The following BABAM1 variants were observed in gnomAD, a reference collection of about 807,000 sequenced individuals.
BABAM1 encodes the protein BRISC and BRCA1 A complex member 1.
BABAM1 carries 14 observed loss-of-function variants against 34.4 expected under a neutral mutation model. That is an observed-to-expected ratio of 0.41 (90% confidence interval 0.27 to 0.64). The LOEUF (loss-of-function observed/expected upper bound fraction) is 0.64. Ranked by LOEUF, BABAM1 falls within the 30% of genes least tolerant of loss-of-function variation. The pLI, the probability that BABAM1 is intolerant of heterozygous loss-of-function variation, is 0.34. For missense variants in BABAM1, 393 were observed against 434.0 expected (o/e 0.91, Z 0.84); for synonymous variants, 169 against 165.8 (o/e 1.02, Z -0.15).
At chr19:17,274,535 T>C in intron 5 of BABAM1, 1 of 259,504 alleles carries the variant, frequency 3.9e-6, no homozygotes, top group Non-Finnish European at 7.6e-6. Flanking sequence ...GCCACTGTAC[T>C]CCAGCCTGGG....
rs1267835358 is a variant in BABAM1 at position 17,278,427 on chromosome 19, G to A, written c.787-418G>A. On this transcript the variant is annotated intron_variant, in intron 8 of 8. Transcript: ENST00000598188. ...GGGTTTGCGCCATTCTCCTGCCTCA[G>A]CCTCCCGAGTAGCTAGGACTACAGG... Among the ~76,000 whole-genome samples, 5 of 151,492 alleles carry A rather than the reference G, an allele frequency of 3.3e-5. No homozygotes were observed. In the East Asian group the frequency reaches 6.0e-4, roughly 18 times the overall value.
In BABAM1 at chr19:17,269,125, G is replaced by A. The variant is rs776158488; in HGVS notation, c.285+34G>A. 9 of 1,540,972 alleles carry A rather than the reference G, an allele frequency of 5.8e-6. No homozygotes were observed. The African/African-American group carries it at 1.2e-4, about 21-fold the overall frequency. On this transcript the variant is annotated intron_variant, in intron 2 of 8. Coordinates refer to ENST00000598188, the MANE Select transcript of BABAM1 (RefSeq NM_014173.4). ...AGGGGGTGGCCTGGGGCTCTGAGAT[G>A]CTAGGGAACCTAGCATCTTGTCTTT...
chr19:17,276,208 AC>A (rs2073905965), intron 6 of BABAM1, among the ~76,000 whole-genome samples: 2 of 151,982 alleles, frequency 1.3e-5, no homozygotes, highest in African/African-American at 4.8e-5. Flanking sequence ...TTAGCTGGCC[AC>A]CTGTAATCCC....
chr19:17,274,228 CCTT>C lies in BABAM1; in HGVS notation c.544+46_544+48del, dbSNP rs761511848. On this transcript the variant is annotated intron_variant, in intron 5 of 8. Transcript: ENST00000598188. ...GATGTCCCCATGAAGGGGGCTGTCT[CCTT>C]CTGTCATCCTTGGGGCCCAGGAAAG... 3.5e-5 allele frequency: 56 copies of C among 1,601,020 alleles called. No homozygotes were observed. The African/African-American group carries it at 6.3e-4, about 18-fold the overall frequency.
rs1269705380 is a variant in BABAM1 at position 17,268,927 on chromosome 19, G to T, written c.121G>T (p.Ala41Ser). 2 of 1,577,012 alleles carry T rather than the reference G, an allele frequency of 1.3e-6. No individual in the cohort carries two copies. The highest frequency in any genetic ancestry group is 1.7e-6 in the Non-Finnish European group (2 of 1,162,766). The change falls in exon 2 of 9, where the codon GCA becomes TCA. Residue 41 changes from alanine to serine, a missense_variant. Physicochemically the swap from Ala to Ser is moderately conservative, Grantham distance 99 (BLOSUM62 1). Transcript: ENST00000598188. ...AGGGGCTGAGGACCGGGCAGTAGGG[G>T]CACAGGCCAGCGTGGGCAGCCGCAG... ...PEGAEDRAVG[A>S]QASVGSRSEG...
At chr19:17,276,973 G>A (rs1457415303) in intron 8 of BABAM1, 64 bp downstream of exon 8, 2 of 1,452,252 alleles carry the variant, frequency 1.4e-6, no homozygotes, top group East Asian at 2.5e-5. Context: ...GAACACACCT[G>A]CACTGGGTCT....
rs755673490 is a variant in BABAM1, at chr19:17,278,806, G to C, written c.787-39G>C. On this transcript the variant is annotated intron_variant, in intron 8 of 8. Transcript: ENST00000598188. ...TGAAGGGCCTGTTGGGGTAACCTCT[G>C]CCTGAACAGCCCTTCACTGACCCCC... 25 of 1,571,032 alleles carry C rather than the reference G, an allele frequency of 1.6e-5. No individual in the cohort carries two copies. In the Middle Eastern group the frequency reaches 1.0e-3, roughly 64 times the overall value.
chr19:17,268,255 T>TA (rs11412447), intron 1 of BABAM1, among the ~76,000 whole-genome samples: 40,224 of 144,100 alleles, frequency 0.28, 5,561 homozygotes, highest in Middle Eastern at 0.42. Flanking sequence ...AGCACTACGT[T>TA]AAAAAAAAAA....
At position 17,276,515 on chromosome 19, in the gene BABAM1, C is replaced by T. The variant is rs374131612; in HGVS notation, c.590C>T (p.Pro197Leu). 8.9e-5 allele frequency: 142 copies of T among 1,594,022 alleles called. No individual in the cohort carries two copies. The highest frequency in any genetic ancestry group is 2.2e-4 in the African/African-American group (16 of 74,308). Residue 197 changes from proline to leucine, a missense_variant, in exon 7 of 9, where the codon CCG (proline) becomes CTG (leucine). Physicochemically the swap from Pro to Leu is moderately conservative, Grantham distance 98. Transcript: ENST00000598188. ...FSLIQQKTEL[P>L]VTENVQTIPP... ...TGCAGCCAGCAGAAAACTGAGCTTC[C>T]GGTCACAGAGAACGTGCAGACGATT...
Position 17,273,560 on chromosome 19 carries a change from TTTTG to T in BABAM1, c.345-340_345-337del, listed in dbSNP as rs762370819. On this transcript the variant is annotated intron_variant, in intron 3 of 8. Transcript: ENST00000598188. The stretch of plus-strand genomic sequence containing the variant: ...GCTGAAGGAAGTTTTTTTTTGTTTG[TTTTG>T]TTTTTTTTTTTTTTTTTGAGACAGA... 6.5e-3 allele frequency among the ~76,000 whole-genome samples: 83 copies of T among 12,732 alleles called. 8 individuals carry two copies. Among genetic ancestry groups the T allele is most frequent in the African/African-American group, 0.019 (36 of 1,866 alleles). The allele number at this position is 12,732 out of a possible 152,430, so 8.4% of individuals were successfully genotyped here. A position where few individuals can be genotyped will look rare whatever the true frequency, so the allele number is the denominator to read the frequency against.
At chr19:17,270,880 C>T (rs2073832818) in intron 2 of BABAM1, among the ~76,000 whole-genome samples, 1 of 151,182 alleles carries the variant, frequency 6.6e-6, no homozygotes, top group Non-Finnish European at 1.5e-5. Flanking sequence ...TTAGTAGAGA[C>T]CAGGTTTCAC....
chr19:17,268,032 C>T (rs950576643), intron 1 of BABAM1, among the ~76,000 whole-genome samples: 2 of 151,238 alleles, frequency 1.3e-5, no homozygotes, highest in African/African-American at 4.9e-5. Flanking sequence ...GACCATTTCG[C>T]TTTTTACCGA....
chr19:17,268,378 T>C (rs1274548604), intron 1 of BABAM1, among the ~76,000 whole-genome samples: 1 of 151,382 alleles, frequency 6.6e-6, no homozygotes, highest in South Asian at 2.1e-4. Flanking sequence ...GAGGAGTGAC[T>C]CATCATCAGT....
chr19:17,277,589 C>A (rs530598990), intron 8 of BABAM1: 1 of 152,498 alleles, frequency 6.6e-6, no homozygotes, highest in East Asian at 1.9e-4. Context: ...CCCTGCTGGG[C>A]CTTCACATCC....
chr19:17,278,799 A>C, intron 8 of BABAM1, 46 bp from the exon 9 acceptor site: 3 of 1,549,692 alleles, frequency 1.9e-6, no homozygotes, highest in Non-Finnish European at 2.6e-6. Context: ...CTGTTGGGGT[A>C]ACCTCTGCCT....
At chr19:17,276,787 A>C (rs1180024954) in intron 7 of BABAM1, 36 bp from the exon 8 acceptor site, 1 of 1,580,740 alleles carries the variant, frequency 6.3e-7, no homozygotes, top group South Asian at 1.2e-5. Flanking sequence ...GGGTGACCCA[A>C]GCCCCAGAGG....
chr19:17,277,078 G>C lies in BABAM1; in HGVS notation c.786+169G>C, dbSNP rs2073918384. 4 of 637,528 alleles carry C rather than the reference G, an allele frequency of 6.3e-6. No homozygotes were observed. The East Asian group carries it at 1.1e-4, about 18-fold the overall frequency. The allele number at this position is 637,528 out of a possible 1,614,324, so 39.5% of individuals were successfully genotyped here. ...CAGCCGTTTCCCAGTTGTCTGCTGTGACTGATGGGGTGGCAGCCATTGGGA... is the reference window on the plus strand; with the variant it reads ...CAGCCGTTTCCCAGTTGTCTGCTGTCACTGATGGGGTGGCAGCCATTGGGA... On this transcript the variant is annotated intron_variant, in intron 8 of 8. Coordinates refer to ENST00000598188, the MANE Select transcript of BABAM1 (RefSeq NM_014173.4).
intron 1 of BABAM1, among the ~76,000 whole-genome samples, chr19:17,267,999 C>T (rs1324792426): frequency 2.0e-5 from 3 of 151,724 alleles, no homozygotes; most frequent in Non-Finnish European, 2.9e-5. Flanking sequence ...GGTCAGAATT[C>T]GATCTGCAGT....
chr19:17,277,087 G>C, intron 8 of BABAM1, 178 bp downstream of exon 8: 2 of 613,736 alleles, frequency 3.3e-6, no homozygotes. Context: ...TGACTGATGG[G>C]GTGGCAGCCA....
Sources: gnomAD v4.1 joint callset for allele counts (sites outside exome capture counted in the v4.1 genomes callset) on GRCh38, gnomAD v4.1.1 for gene constraint, MANE v1.5 for transcripts, NCBI Gene and HGNC (gene_info 2026-07-23, HGNC 2026-07-21) for gene names.